ADAMTS9: variants seen among roughly 807,000 people sequenced by gnomAD.
ADAMTS9 encodes ADAM metallopeptidase with thrombospondin type 1 motif 9, also known as A disintegrin and metalloproteinase with thrombospondin motifs 9.
ADAMTS9 carries 107 observed loss-of-function variants against 257.1 expected under a neutral mutation model. The observed-to-expected ratio is 0.42, with a 90% CI of 0.36 to 0.49. The LOEUF is 0.49. Among genes scored for constraint, ADAMTS9 ranks in the 20% least tolerant of loss-of-function variants. ADAMTS9 has a pLI of 0.03. For synonymous variants in ADAMTS9, 982 were observed against 880.9 expected (o/e 1.11, Z -2.03); for missense variants, 2,353 against 2,469.1 (o/e 0.95, Z 1.00).
chr3:64,661,847 GATTT>G (rs1414568289), intron 3 of ADAMTS9, among the ~76,000 whole-genome samples: 1 of 151,962 alleles, frequency 6.6e-6, no homozygotes, highest in Non-Finnish European at 1.5e-5. Context: ...ATTACAATTT[GATTT>G]ATTATAGTAA....
At position 64,612,996 on chromosome 3, in the gene ADAMTS9, G is replaced by A. The variant is rs190678325; in HGVS notation, c.3354+349C>T. Among the ~76,000 whole-genome samples the A allele has an allele frequency of 2.0e-5, 3 of 152,234 alleles. No individual in the cohort carries two copies. In the East Asian group the frequency reaches 5.8e-4, roughly 30 times the overall value. ...AGACCTTCCTGCCAGAGACTCTGGTGCTGGATCACCTTCTGTAACAGACCC... is the reference window on the plus strand; with the variant it reads ...AGACCTTCCTGCCAGAGACTCTGGTACTGGATCACCTTCTGTAACAGACCC... On this transcript the variant is annotated intron_variant, in intron 22 of 39. Transcript: ENST00000498707.
intron 3 of ADAMTS9, among the ~76,000 whole-genome samples, chr3:64,675,275 C>T (rs1480956140): frequency 1.3e-5 from 2 of 152,102 alleles, no homozygotes; most frequent in Non-Finnish European, 2.9e-5. Context: ...TGTAAAGTGC[C>T]TGGAACAGAG....
chr3:64,552,559 T>C (rs72885566), intron 30 of ADAMTS9, among the ~76,000 whole-genome samples: 4,893 of 151,162 alleles, frequency 0.032, 275 homozygotes, highest in African/African-American at 0.11. Flanking sequence ...CAGAATGTTG[T>C]CTTTTCTTTT....
chr3:64,560,116 A>G (rs907138196), intron 30 of ADAMTS9, among the ~76,000 whole-genome samples: 1 of 152,226 alleles, frequency 6.6e-6, no homozygotes, highest in South Asian at 2.1e-4. Flanking sequence ...CCCATTCTAC[A>G]AATGGATAAT....
intron 28 of ADAMTS9, among the ~76,000 whole-genome samples, chr3:64,580,362 G>A (rs544155115): frequency 2.6e-5 from 4 of 152,026 alleles, no homozygotes; most frequent in South Asian, 2.1e-4. Context: ...AACCAATACC[G>A]AGCCCAAGAT....
intron 28 of ADAMTS9, 92 bp downstream of exon 28, chr3:64,594,166 T>C (rs2106789612): frequency 7.4e-7 from 1 of 1,360,482 alleles, no homozygotes; most frequent in Non-Finnish European, 1.0e-6. Context: ...GATGCCCTTG[T>C]AAGTGTGACA....
At chr3:64,678,228 C>T (rs913086082) in intron 3 of ADAMTS9, among the ~76,000 whole-genome samples, 2 of 152,164 alleles carry the variant, frequency 1.3e-5, no homozygotes, top group Non-Finnish European at 2.9e-5. Flanking sequence ...CTTCAGTTTC[C>T]TTATCTGCAC....
intron 26 of ADAMTS9, among the ~76,000 whole-genome samples, chr3:64,600,191 C>A (rs1464309752): frequency 2.0e-5 from 3 of 151,816 alleles, no homozygotes; most frequent in Non-Finnish European, 4.4e-5. Flanking sequence ...TGTTTATAAC[C>A]CTTTGCCGCC....
chr3:64,576,975 T>C (rs1255557618), intron 28 of ADAMTS9, among the ~76,000 whole-genome samples: 3 of 152,100 alleles, frequency 2.0e-5, no homozygotes, highest in Non-Finnish European at 4.4e-5. Flanking sequence ...GACAGGGCGC[T>C]CCAGTTCCCC....
At position 64,604,013 on chromosome 3, in the gene ADAMTS9, T is replaced by A; in HGVS notation, c.3656A>T (p.Glu1219Val). Residue 1219 changes from glutamate to valine, a missense_variant, in exon 25 of 40, where the codon GAG becomes GTG. By Grantham distance (121) the Glu-to-Val change is moderately radical. Transcript: ENST00000498707. Reference protein sequence around the residue: ...CRDENGSVADESACATLPRPV... With the variant: ...CRDENGSVADVSACATLPRPV... ...TCTAGGCAGGGTAGCACAGGCACTC[T>A]CGTCAGCCACAGAGCCATTCTCATC... 1 of 1,614,054 alleles carries A rather than the reference T, an allele frequency of 6.2e-7. No individual in the cohort carries two copies. Among genetic ancestry groups the A allele is most frequent in the Non-Finnish European group, 8.5e-7 (1 of 1,179,992 alleles).
At chr3:64,577,449 A>G (rs762014142) in intron 28 of ADAMTS9, among the ~76,000 whole-genome samples, 2 of 152,226 alleles carry the variant, frequency 1.3e-5, no homozygotes, top group Non-Finnish European at 2.9e-5. Context: ...GACCCACTCT[A>G]TGCCTGCCAT....
Position 64,641,884 on chromosome 3 carries a change from C to T in ADAMTS9, c.1820G>A (p.Gly607Asp). ...GCACTCTCGAATGGCTGTTTTGATG[C>T]CCCCTCCACATGTTCTGGAGCAGGT... The part of the protein sequence containing the change: ...FGTCSRTCGG[G>D]IKTAIRECNR... The change falls in exon 12 of 40, where the codon GGC becomes GAC. Residue 607 changes from glycine to aspartate, a missense_variant. This residue lies in a region of ADAMTS9 where 360 missense variants were observed against 458.1 expected (regional missense o/e 0.79). Coordinates refer to ENST00000498707, the MANE Select transcript of ADAMTS9 (RefSeq NM_182920.2). The T allele has an allele frequency of 1.2e-6, 2 of 1,614,100 alleles. No homozygotes were observed. Among genetic ancestry groups the T allele is most frequent in the Non-Finnish European group, 1.7e-6 (2 of 1,179,996 alleles).
intron 4 of ADAMTS9, among the ~76,000 whole-genome samples, chr3:64,656,959 A>G (rs1204593990): frequency 6.7e-6 from 1 of 148,834 alleles, no homozygotes; most frequent in Non-Finnish European, 1.5e-5. Flanking sequence ...GGGCTCGTCT[A>G]TTAAAAGAAA....
At chr3:64,552,146 G>A (rs2083278796) in intron 30 of ADAMTS9, among the ~76,000 whole-genome samples, 1 of 152,180 alleles carries the variant, frequency 6.6e-6, no homozygotes, top group Non-Finnish European at 1.5e-5. Context: ...AAGAAAATGG[G>A]ACTTTGAGAG....
intron 12 of ADAMTS9, among the ~76,000 whole-genome samples, chr3:64,640,095 G>A (rs1339453305): frequency 6.6e-6 from 1 of 152,124 alleles, no homozygotes; most frequent in Non-Finnish European, 1.5e-5. Flanking sequence ...AGGCTATATA[G>A]AAAATCTAAG....
chr3:64,586,563 G>A (rs1050894044), intron 28 of ADAMTS9, among the ~76,000 whole-genome samples: 20 of 152,196 alleles, frequency 1.3e-4, no homozygotes, highest in Middle Eastern at 3.4e-3. Context: ...TGCCCTAAAC[G>A]GGGGGAAAAC....
chr3:64,551,251 C>T (rs139133767), intron 30 of ADAMTS9, among the ~76,000 whole-genome samples, 189 bp from the exon 31 acceptor site: 308 of 152,172 alleles, frequency 2.0e-3, no homozygotes, highest in African/African-American at 7.0e-3. Context: ...GCTCTGTCTC[C>T]CAGGCTGGAG....
At chr3:64,660,940 A>G (rs1245739760) in intron 3 of ADAMTS9, among the ~76,000 whole-genome samples, 1 of 152,230 alleles carries the variant, frequency 6.6e-6, no homozygotes, top group African/African-American at 2.4e-5. Flanking sequence ...CTCAAACTGC[A>G]AAAGTTACGG....
intron 32 of ADAMTS9, among the ~76,000 whole-genome samples, chr3:64,545,257 G>C (rs1339527531): frequency 6.6e-6 from 1 of 152,064 alleles, no homozygotes; most frequent in Non-Finnish European, 1.5e-5. Context: ...CCCATTACTG[G>C]GCATATACCC....
Sources: gnomAD v4.1 joint callset for allele counts (sites outside exome capture counted in the v4.1 genomes callset) on GRCh38, gnomAD v4.1.1 for gene constraint, gnomAD v4.1.1 regional missense constraint, MANE v1.5 for transcripts, NCBI Gene and HGNC (gene_info 2026-07-23, HGNC 2026-07-21) for gene names.